Variants in KLF12 observed in about 807,000 individuals in gnomAD.
KLF12 encodes KLF transcription factor 12.
KLF12 carries 9 observed loss-of-function variants against 37.8 expected under a neutral mutation model. That is an observed-to-expected ratio of 0.24 (90% CI 0.14 to 0.42). KLF12 has a LOEUF of 0.42. Ranked by LOEUF, KLF12 falls within the 10% of genes least tolerant of loss-of-function variation. The pLI, the probability that KLF12 is intolerant of heterozygous loss-of-function variation, is 1.00. For missense variants in KLF12, 411 were observed against 516.0 expected (o/e 0.80, Z 1.97); for synonymous variants, 208 against 202.1 (o/e 1.03, Z -0.25).
the KLF12 span, among the ~76,000 whole-genome samples, chr13:74,160,480 T>A: frequency 6.6e-6 from 1 of 152,322 alleles, no homozygotes; most frequent in Admixed American, 6.5e-5. Flanking sequence ...TTTCTGTGTT[T>A]TCAGGGAACG....
the KLF12 span, among the ~76,000 whole-genome samples, chr13:74,293,765 G>A: frequency 6.6e-6 from 1 of 152,188 alleles, no homozygotes; most frequent in Admixed American, 6.5e-5. Flanking sequence ...ATTTGAAGGA[G>A]CATCTGCCTT....
chr13:74,290,435 C>A, the KLF12 span, among the ~76,000 whole-genome samples: 1 of 152,178 alleles, frequency 6.6e-6, no homozygotes, highest in African/African-American at 2.4e-5. Flanking sequence ...GAGCACATCA[C>A]CTTCAGGGAA....
the KLF12 span, among the ~76,000 whole-genome samples, chr13:74,215,810 G>A: frequency 2.0e-5 from 3 of 152,380 alleles, no homozygotes; most frequent in South Asian, 2.1e-4. Context: ...AACACAGAAA[G>A]GTTGTGGGGA....
intron 1 of KLF12, among the ~76,000 whole-genome samples, chr13:74,115,702 CAAAA>C (rs10607202): frequency 9.5e-5 from 13 of 136,974 alleles, no homozygotes; most frequent in Admixed American, 2.2e-4. Flanking sequence ...AAAACTCTGA[CAAAA>C]AAAAAAAAAA....
chr13:74,190,698 T>C, the KLF12 span, among the ~76,000 whole-genome samples: 13 of 152,232 alleles, frequency 8.5e-5, no homozygotes, highest in Admixed American at 3.3e-4. Flanking sequence ...GTGTCTCTTA[T>C]GTTTCAGGTA....
chr13:73,829,997 T>A (rs1015177315), intron 4 of KLF12, among the ~76,000 whole-genome samples: 1 of 152,190 alleles, frequency 6.6e-6, no homozygotes, highest in Non-Finnish European at 1.5e-5. Context: ...AAAGGAGGTT[T>A]AAGTATGAAG....
intron 3 of KLF12, among the ~76,000 whole-genome samples, chr13:73,901,736 T>C (rs563564686): frequency 1.3e-5 from 2 of 152,328 alleles, no homozygotes; most frequent in Admixed American, 6.5e-5. Flanking sequence ...CTCTCCATTC[T>C]AAGCTCCGGA....
At chr13:73,870,434 A>G (rs1855710301) in intron 3 of KLF12, among the ~76,000 whole-genome samples, 1 of 152,258 alleles carries the variant, frequency 6.6e-6, no homozygotes, top group African/African-American at 2.4e-5. Flanking sequence ...TTCTATGGTT[A>G]GCACTTTTCA....
rs543676527 is a variant in KLF12 at position 74,058,546 on chromosome 13, T to C, written c.-31-63493A>G. 5.3e-5 allele frequency among the ~76,000 whole-genome samples: 8 copies of C among 151,160 alleles called. No homozygotes were observed. In the East Asian group the frequency reaches 1.2e-3, roughly 22 times the overall value. On this transcript the variant is annotated intron_variant, in intron 1 of 7. Coordinates refer to ENST00000377669, the MANE Select transcript of KLF12 (RefSeq NM_007249.5). The stretch of plus-strand genomic sequence containing the variant: ...AATTTTTTTGTATTTTTAGTAGAGA[T>C]GGGGTTTCACTGTGTTAGCCAGGAT...
the KLF12 span, among the ~76,000 whole-genome samples, chr13:74,267,071 T>C: frequency 1.3e-5 from 2 of 152,180 alleles, no homozygotes; most frequent in Non-Finnish European, 2.9e-5. Context: ...TCCCCGCCCA[T>C]TCTCCTCATA....
At chr13:74,211,425 G>T in the KLF12 span, among the ~76,000 whole-genome samples, 1 of 152,138 alleles carries the variant, frequency 6.6e-6, no homozygotes, top group Non-Finnish European at 1.5e-5. Context: ...TGGTTGGATA[G>T]GATGTTGAAA....
chr13:73,695,839 G>C (rs1366478619), intron 7 of KLF12, among the ~76,000 whole-genome samples, 168 bp from the exon 8 acceptor site: 1 of 152,170 alleles, frequency 6.6e-6, no homozygotes, highest in Non-Finnish European at 1.5e-5. Flanking sequence ...GACAGGTGAT[G>C]GTTTCAATCT....
intron 7 of KLF12, among the ~76,000 whole-genome samples, chr13:73,701,114 C>T (rs1874522959): frequency 6.6e-6 from 1 of 152,082 alleles, no homozygotes; most frequent in African/African-American, 2.4e-5. Context: ...GCAGCAGGGA[C>T]AGAATGGTGA....
intron 2 of KLF12, among the ~76,000 whole-genome samples, chr13:73,965,165 T>C (rs1891140404): frequency 6.6e-6 from 1 of 152,026 alleles, no homozygotes; most frequent in South Asian, 2.1e-4. Flanking sequence ...GCCCTCAACA[T>C]GGCTACTTCA....
rs75919319 is a variant in KLF12 at position 73,828,257 on chromosome 13, A to T, written c.671-14970T>A. Among the ~76,000 whole-genome samples the T allele has an allele frequency of 4.4e-3, 670 of 152,236 alleles. 4 individuals are homozygous for T. The highest frequency in any genetic ancestry group is 0.015 in the African/African-American group (628 of 41,538). ...ATTTTGTTTAGGGAACTCATGCTTG[A>T]CAATTTCACTGTACTATATCTAGAT... On this transcript the variant is annotated intron_variant, in intron 4 of 7. Transcript: ENST00000377669.
the KLF12 span, among the ~76,000 whole-genome samples, chr13:74,219,219 G>A: frequency 6.6e-6 from 1 of 152,196 alleles, no homozygotes; most frequent in Non-Finnish European, 1.5e-5. Context: ...ACCTCCCAAA[G>A]TGCTGGGATT....
the KLF12 span, among the ~76,000 whole-genome samples, chr13:74,203,254 G>C: frequency 2.0e-5 from 3 of 151,970 alleles, no homozygotes; most frequent in Non-Finnish European, 4.4e-5. Flanking sequence ...GATTAGACTT[G>C]GGTGTCATTA....
chr13:73,804,456 C>T (rs1318958497), intron 5 of KLF12, among the ~76,000 whole-genome samples: 1 of 151,702 alleles, frequency 6.6e-6, no homozygotes, highest in Non-Finnish European at 1.5e-5. Context: ...GAAGAGGGAC[C>T]ATCACTGTCC....
chr13:74,204,191 A>T, the KLF12 span, among the ~76,000 whole-genome samples: 3 of 152,198 alleles, frequency 2.0e-5, no homozygotes, highest in African/African-American at 4.8e-5. Context: ...CTTAAACTTC[A>T]TCTGTAGGAT....
Sources: allele counts gnomAD v4.1 joint callset (sites outside exome capture counted in the v4.1 genomes callset), GRCh38; gene constraint gnomAD v4.1.1; transcripts MANE v1.5; gene names NCBI Gene and HGNC (gene_info 2026-07-23, HGNC 2026-07-21).